JMJD6: variants seen among roughly 807,000 people sequenced by gnomAD.
JMJD6 encodes the protein jumonji domain containing 6, arginine demethylase and lysine hydroxylase.
Under a neutral mutation model 45.8 loss-of-function variants are expected in JMJD6, and 17 were observed. The ratio of observed to expected loss-of-function variants is 0.37; its 90% CI spans 0.25 to 0.56. JMJD6 has a LOEUF of 0.56. Among genes scored for constraint, JMJD6 ranks in the 20% least tolerant of loss-of-function variants. JMJD6 has a pLI of 0.79. For missense variants in JMJD6, 470 were observed against 517.5 expected (o/e 0.91, Z 0.89); for synonymous variants, 221 against 196.3 (o/e 1.13, Z -1.05).
At chr17:76,714,116 G>A (rs1056264640), downstream of JMJD6, 4 of 152,188 alleles carry the variant, frequency 2.6e-5, no homozygotes, top group Non-Finnish European at 5.9e-5. Flanking sequence ...CTCCCCTCAA[G>A]GATGTCACCC....
chr17:76,715,050 G>GT (rs951221237), downstream of JMJD6: 5 of 152,194 alleles, frequency 3.3e-5, no homozygotes, highest in African/African-American at 1.2e-4. Context: ...TTTTTGGGCT[G>GT]TTTTTTATTT....
At chr17:76,718,420 C>T, downstream of JMJD6, 2 of 1,293,708 alleles carry the variant, frequency 1.5e-6, no homozygotes, top group Non-Finnish European at 2.0e-6. Flanking sequence ...AGGGAATGTT[C>T]TGGTATTCTC....
chr17:76,723,657 G>A, intron 3 of JMJD6, 115 bp downstream of exon 3: 1 of 950,958 alleles, frequency 1.1e-6, no homozygotes, highest in South Asian at 1.6e-5. Flanking sequence ...TAGCAAGGAT[G>A]GTCTCGATCT....
chr17:76,719,602 C>G (rs1301512742), intron 5 of JMJD6, among the ~76,000 whole-genome samples: 4 of 152,100 alleles, frequency 2.6e-5, no homozygotes, highest in Admixed American at 6.5e-5. Flanking sequence ...ATAGAAATTT[C>G]ATCTGTTAAA....
Position 76,725,615 on chromosome 17 carries a change from T to C in JMJD6, c.370A>G (p.Thr124Ala). Reference protein sequence around the residue: ...MKYYIEYMESTRDDSPLYIFD... With the variant: ...MKYYIEYMESARDDSPLYIFD... ...ATGTAAAGGGGACTATCATCTCGAG[T>C]GCTCTCCATGTACTCGATGTAGTAT... Residue 124 changes from threonine (T) to alanine (A), a missense_variant, in exon 2 of 6, where the codon ACT becomes GCT. By Grantham distance (58) the Thr-to-Ala change is moderately conservative. Transcript: ENST00000397625. 6.2e-7 allele frequency: 1 copy of C among 1,614,050 alleles called. No homozygotes were observed. Among genetic ancestry groups the C allele is most frequent in the Non-Finnish European group, 8.5e-7 (1 of 1,180,012 alleles).
downstream of JMJD6, chr17:76,716,392 G>A (rs527906981): frequency 5.5e-5 from 21 of 383,184 alleles, no homozygotes; most frequent in African/African-American, 4.1e-4. Flanking sequence ...CACCCTGCCA[G>A]CCTTGTGGTT....
downstream of JMJD6, among the ~76,000 whole-genome samples, chr17:76,717,536 G>A (rs561709423): frequency 6.6e-6 from 1 of 152,288 alleles, no homozygotes; most frequent in African/African-American, 2.4e-5. Context: ...CTTGTACTTG[G>A]AGACGTGATT....
downstream of JMJD6, chr17:76,715,900 G>GA (rs1345560525): frequency 2.0e-5 from 3 of 152,338 alleles, no homozygotes; most frequent in Admixed American, 2.0e-4. Flanking sequence ...CTTAACGTCT[G>GA]TAGGTCAAAC....
chr17:76,722,800 T>C (rs1459942331), intron 3 of JMJD6, among the ~76,000 whole-genome samples: 1 of 127,826 alleles, frequency 7.8e-6, no homozygotes, highest in Non-Finnish European at 1.6e-5. Flanking sequence ...GGGCTGAGAT[T>C]GTGCCATTGT....
chr17:76,720,256 T>C (rs2076806301), intron 5 of JMJD6, 104 bp downstream of exon 5: 1 of 1,101,026 alleles, frequency 9.1e-7, no homozygotes, highest in African/African-American at 1.6e-5. Context: ...GGAAAAACTT[T>C]CATATCCTTC....
At chr17:76,726,320 C>A (rs1316606671) in intron 1 of JMJD6, 27 bp downstream of exon 1, 1 of 1,543,828 alleles carries the variant, frequency 6.5e-7, no homozygotes, top group East Asian at 2.6e-5. Flanking sequence ...GATGCCCGGC[C>A]TGGCCACCCC....
chr17:76,724,687 G>A (rs1349471539), intron 2 of JMJD6, among the ~76,000 whole-genome samples: 1 of 151,654 alleles, frequency 6.6e-6, no homozygotes, highest in Non-Finnish European at 1.5e-5. Context: ...TGTGGTGGTG[G>A]GCACCTGTAA....
chr17:76,726,512 G>C lies in JMJD6; in HGVS notation c.-37C>G. 6.4e-7 allele frequency: 1 copy of C among 1,570,526 alleles called. No homozygotes were observed. The highest frequency in any genetic ancestry group is 1.4e-5 in the African/African-American group (1 of 71,870). On this transcript the variant is annotated 5_prime_UTR_variant, in exon 1 of 6. Transcript: ENST00000397625. ...GCCAGCTGGTTCCGCTACGACCTCGGCGCAGCCCGCTTCCTGACACTAACG... is the reference window on the plus strand; with the variant it reads ...GCCAGCTGGTTCCGCTACGACCTCGCCGCAGCCCGCTTCCTGACACTAACG...
intron 5 of JMJD6, among the ~76,000 whole-genome samples, chr17:76,719,987 T>C (rs1340879421): frequency 6.6e-6 from 1 of 151,950 alleles, no homozygotes; most frequent in East Asian, 1.9e-4. Flanking sequence ...CTACTAAAAA[T>C]ACAAAAAATT....
chr17:76,725,916 AG>A, intron 1 of JMJD6, 61 bp from the exon 2 acceptor site: 1 of 1,514,698 alleles, frequency 6.6e-7, no homozygotes, highest in Admixed American at 2.3e-5. Flanking sequence ...GTGGCAGATA[AG>A]GGTGTCCCCA....
chr17:76,726,310 G>A (rs1270160148), intron 1 of JMJD6, 37 bp downstream of exon 1: 4 of 1,531,268 alleles, frequency 2.6e-6, no homozygotes, highest in South Asian at 2.4e-5. Flanking sequence ...TGGAGGTGCC[G>A]ATGCCCGGCC....
intron 1 of JMJD6, 127 bp downstream of exon 1, chr17:76,726,220 G>T (rs1361698262): frequency 7.9e-7 from 1 of 1,273,600 alleles, no homozygotes; most frequent in East Asian, 2.9e-5. Flanking sequence ...CAAACTCCGC[G>T]GGGTGCGGGT....
intron 3 of JMJD6, among the ~76,000 whole-genome samples, chr17:76,722,319 C>T (rs1369063386): frequency 6.6e-6 from 1 of 152,240 alleles, no homozygotes; most frequent in Non-Finnish European, 1.5e-5. Flanking sequence ...ACGAAGAGGA[C>T]ACCTACTTTA....
At chr17:76,722,372 G>T (rs1404790585) in intron 3 of JMJD6, among the ~76,000 whole-genome samples, 2 of 152,224 alleles carry the variant, frequency 1.3e-5, no homozygotes, top group Non-Finnish European at 2.9e-5. Flanking sequence ...AAGCGCAGTT[G>T]TCTGGTGTGG....
Sources: gnomAD v4.1 joint callset for allele counts (sites outside exome capture counted in the v4.1 genomes callset) on GRCh38, gnomAD v4.1.1 for gene constraint, MANE v1.5 for transcripts, NCBI Gene and HGNC (gene_info 2026-07-23, HGNC 2026-07-21) for gene names.